The following CPEB3 variants were observed in gnomAD, a reference collection of about 807,000 sequenced individuals.
CPEB3 encodes the protein cytoplasmic polyadenylation element-binding protein 3.
In CPEB3, 20 loss-of-function variants were observed where a neutral mutation model predicts 67.2. That is an observed-to-expected ratio of 0.30 (90% CI 0.21 to 0.43). The LOEUF (loss-of-function observed/expected upper bound fraction) is 0.43, where lower values mean the gene tolerates loss of function less well. Among genes scored for constraint, CPEB3 ranks in the 20% least tolerant of loss-of-function variants. The pLI, the probability that CPEB3 is intolerant of heterozygous loss-of-function variation, is 1.00. For missense variants in CPEB3, 746 were observed against 968.6 expected, an observed-to-expected ratio of 0.77 and a Z score of 3.05; for synonymous variants, 376 against 393.1, an observed-to-expected ratio of 0.96 and a Z score of 0.51.
In CPEB3 at chr10:92,051,918, A is replaced by G; in HGVS notation, c.*294T>C. ...GCCGCTGATGAGAATGGCAGTCTAC[A>G]TACTGTCACGAGTGACAAATCAGGT... On this transcript the variant is annotated 3_prime_UTR_variant, in exon 10 of 10. Coordinates refer to ENST00000265997, the MANE Select transcript of CPEB3 (RefSeq NM_014912.5). The G allele has an allele frequency of 6.8e-6, 2 of 295,438 alleles. No individual in the cohort carries two copies. Among genetic ancestry groups the G allele is most frequent in the Non-Finnish European group, 1.3e-5 (2 of 157,054 alleles). The allele number at this position is 295,438 out of a possible 1,614,324, so 18.3% of individuals were successfully genotyped here.
chr10:92,084,657 G>A (rs1843298913), intron 8 of CPEB3, among the ~76,000 whole-genome samples: 1 of 152,122 alleles, frequency 6.6e-6, no homozygotes, highest in African/African-American at 2.4e-5. Flanking sequence ...TTGGCTCACT[G>A]CAAGCTCTGC....
chr10:92,187,196 T>G (rs1191691628), intron 3 of CPEB3, among the ~76,000 whole-genome samples: 2 of 152,138 alleles, frequency 1.3e-5, no homozygotes, highest in Non-Finnish European at 2.9e-5. Flanking sequence ...CATTATCTCT[T>G]CCATTTTAAC....
chr10:92,198,824 A>G (rs550294771), intron 2 of CPEB3, among the ~76,000 whole-genome samples: 36 of 152,326 alleles, frequency 2.4e-4, no homozygotes, highest in African/African-American at 8.2e-4. Flanking sequence ...GTGACTCTCA[A>G]GTCCATACCA....
rs1233721060 is a variant in CPEB3, at chr10:92,249,364, C to T, written c.-11-9003G>A. On this transcript the variant is annotated intron_variant, in intron 1 of 9. Transcript: ENST00000265997. Reference sequence around the variant, plus strand: ...ACTGCACTCCAGTCTGGTGACAGAGCGAGACTCCGTCTCAAAAAAAAAAAA... The same window carrying T: ...ACTGCACTCCAGTCTGGTGACAGAGTGAGACTCCGTCTCAAAAAAAAAAAA... Among the ~76,000 whole-genome samples the T allele has an allele frequency of 9.5e-5, 13 of 137,242 alleles. No homozygotes were observed. In the South Asian group the frequency reaches 1.8e-3, roughly 19 times the overall value. 90.0% of individuals were successfully genotyped at this position (137,242 alleles called of 152,430 possible). A position where few individuals can be genotyped will look rare whatever the true frequency, so the allele number is the denominator to read the frequency against.
At chr10:92,248,238 TGTAA>T (rs1329140201) in intron 1 of CPEB3, among the ~76,000 whole-genome samples, 2 of 152,214 alleles carry the variant, frequency 1.3e-5, no homozygotes, top group African/African-American at 2.4e-5. Context: ...CCTAATACAA[TGTAA>T]GTGTTATGTA....
intron 2 of CPEB3, among the ~76,000 whole-genome samples, chr10:92,203,590 G>A (rs975074872): frequency 6.7e-6 from 1 of 150,114 alleles, no homozygotes; most frequent in African/African-American, 2.5e-5. Flanking sequence ...GCTAATTTTT[G>A]TATTTTTAGT....
intron 2 of CPEB3, among the ~76,000 whole-genome samples, chr10:92,213,403 G>T (rs1850189445): frequency 6.6e-6 from 1 of 152,104 alleles, no homozygotes; most frequent in Non-Finnish European, 1.5e-5. Context: ...CAGAAACAAT[G>T]ATGATCGGTT....
chr10:92,269,030 G>A (rs1276679261), intron 1 of CPEB3, among the ~76,000 whole-genome samples: 2 of 152,166 alleles, frequency 1.3e-5, no homozygotes, highest in Non-Finnish European at 2.9e-5. Flanking sequence ...CTCTGGAACT[G>A]GAATGATCCC....
At chr10:92,236,849 AAAG>A (rs1226265111) in intron 2 of CPEB3, among the ~76,000 whole-genome samples, 6 of 152,372 alleles carry the variant, frequency 3.9e-5, no homozygotes, top group South Asian at 2.1e-4. Flanking sequence ...AACTGGCAAA[AAAG>A]AAGCAGTGCA....
At chr10:92,210,818 A>C (rs1850044168) in intron 2 of CPEB3, among the ~76,000 whole-genome samples, 1 of 151,702 alleles carries the variant, frequency 6.6e-6, no homozygotes, top group Admixed American at 6.6e-5. Context: ...CGGGCGGATT[A>C]CTTGAGGTCA....
At chr10:92,265,976 A>G (rs1195544524) in intron 1 of CPEB3, among the ~76,000 whole-genome samples, 3 of 151,946 alleles carry the variant, frequency 2.0e-5, no homozygotes, top group Non-Finnish European at 4.4e-5. Context: ...GGGTTAATGA[A>G]TTAATGGATT....
intron 4 of CPEB3, among the ~76,000 whole-genome samples, chr10:92,157,586 T>C (rs1327737132): frequency 1.3e-5 from 2 of 152,288 alleles, no homozygotes; most frequent in East Asian, 3.9e-4. Context: ...TGAGAGGCTC[T>C]GAAACTTAAG....
chr10:92,244,463 A>G (rs762509163), intron 1 of CPEB3, among the ~76,000 whole-genome samples: 6 of 149,368 alleles, frequency 4.0e-5, no homozygotes, highest in Admixed American at 4.0e-4. Flanking sequence ...TTTGAGATGG[A>G]GTCTCTCTCT....
chr10:92,278,100 G>A (rs1445513525), intron 1 of CPEB3, among the ~76,000 whole-genome samples: 1 of 151,250 alleles, frequency 6.6e-6, no homozygotes, highest in East Asian at 1.9e-4. Context: ...GCAGAGAACT[G>A]CTTGAACCCA....
chr10:92,061,439 A>AC lies in CPEB3; in HGVS notation c.1870-9001_1870-9000insG, dbSNP rs1216980122. Reference sequence around the variant, plus strand: ...TGTCTCAAAAAAAAAAAAAAAAAAAAAAAACATATGAATAGATAAAGCAAA... The same window carrying AC: ...TGTCTCAAAAAAAAAAAAAAAAAAAACAAAACATATGAATAGATAAAGCAAA... On this transcript the variant is annotated intron_variant, in intron 9 of 9. Coordinates refer to ENST00000265997, the MANE Select transcript of CPEB3 (RefSeq NM_014912.5). 1.8e-4 allele frequency among the ~76,000 whole-genome samples: 24 copies of AC among 136,964 alleles called. 1 individual carries two copies. The highest frequency in any genetic ancestry group is 2.2e-4 in the South Asian group (1 of 4,470). The allele number at this position is 136,964 out of a possible 152,430, so 89.9% of individuals were successfully genotyped here.
intron 1 of CPEB3, among the ~76,000 whole-genome samples, chr10:92,265,527 C>T (rs570214022): frequency 6.6e-6 from 1 of 152,002 alleles, no homozygotes; most frequent in East Asian, 1.9e-4. Context: ...GAGGCCGAGG[C>T]AGGTGGATCA....
At chr10:92,146,275 C>T (rs1468914333) in intron 4 of CPEB3, among the ~76,000 whole-genome samples, 1 of 152,068 alleles carries the variant, frequency 6.6e-6, no homozygotes, top group East Asian at 1.9e-4. Flanking sequence ...TGTCATTTGG[C>T]ATTACAAAAT....
chr10:92,187,191 T>C (rs1244254706), intron 3 of CPEB3, among the ~76,000 whole-genome samples: 1 of 152,158 alleles, frequency 6.6e-6, no homozygotes, highest in African/African-American at 2.4e-5. Context: ...GGTGGCATTA[T>C]CTCTTCCATT....
intron 1 of CPEB3, among the ~76,000 whole-genome samples, chr10:92,251,653 T>C (rs765071612): frequency 2.6e-5 from 4 of 152,072 alleles, no homozygotes; most frequent in Non-Finnish European, 5.9e-5. Flanking sequence ...TACAACACTA[T>C]ATTCAAAAAT....
Sources: gnomAD v4.1 joint callset for allele counts (sites outside exome capture counted in the v4.1 genomes callset) on GRCh38, gnomAD v4.1.1 for gene constraint, MANE v1.5 for transcripts, NCBI Gene and HGNC (gene_info 2026-07-23, HGNC 2026-07-21) for gene names.